KCNIP1: variants seen among roughly 807,000 people sequenced by gnomAD.
KCNIP1 encodes the protein A-type potassium channel modulatory protein KCNIP1.
In KCNIP1, 18 loss-of-function variants were observed where a neutral mutation model predicts 33.0. The ratio of observed to expected loss-of-function variants is 0.55; its 90% CI spans 0.38 to 0.81. KCNIP1 has a LOEUF of 0.81. Ranked by LOEUF, KCNIP1 falls within the 30% of genes least tolerant of loss-of-function variation. KCNIP1 has a pLI of 0.00. For synonymous variants in KCNIP1, 93 were observed against 98.3 expected (o/e 0.95, Z 0.32); for missense variants, 238 against 271.6 (o/e 0.88, Z 0.87).
At chr5:170,413,625 C>T (rs113288303) in intron 1 of KCNIP1, among the ~76,000 whole-genome samples, 1 of 152,148 alleles carries the variant, frequency 6.6e-6, no homozygotes, top group African/African-American at 2.4e-5. Context: ...TTTTTGGAAG[C>T]TGCAAAGCAT....
chr5:170,451,327 T>C (rs1366853396), intron 1 of KCNIP1, among the ~76,000 whole-genome samples: 1 of 152,130 alleles, frequency 6.6e-6, no homozygotes, highest in Admixed American at 6.5e-5. Flanking sequence ...AGATTATAGG[T>C]ACCCAATTAT....
chr5:170,581,935 G>A (rs1197485435), intron 1 of KCNIP1, among the ~76,000 whole-genome samples: 1 of 152,204 alleles, frequency 6.6e-6, no homozygotes, highest in African/African-American at 2.4e-5. Flanking sequence ...CACATGGCAA[G>A]AAAGGAAGCA....
intron 7 of KCNIP1, among the ~76,000 whole-genome samples, chr5:170,734,143 T>G (rs1764302636): frequency 6.6e-6 from 1 of 151,958 alleles, no homozygotes; most frequent in Non-Finnish European, 1.5e-5. Context: ...ATGTGAAAAC[T>G]CAGAGGGGGT....
At chr5:170,476,954 A>G (rs1252162547) in intron 1 of KCNIP1, among the ~76,000 whole-genome samples, 2 of 152,226 alleles carry the variant, frequency 1.3e-5, no homozygotes, top group Non-Finnish European at 2.9e-5. Context: ...TGTAAACTAT[A>G]GACTTTGGGT....
chr5:170,623,745 C>T (rs906818424), intron 1 of KCNIP1, among the ~76,000 whole-genome samples: 4 of 152,178 alleles, frequency 2.6e-5, no homozygotes, highest in Non-Finnish European at 5.9e-5. Context: ...GACGGCGCTG[C>T]CCCCTTCTGG....
intron 1 of KCNIP1, among the ~76,000 whole-genome samples, chr5:170,441,344 G>A (rs1755982639): frequency 6.6e-6 from 1 of 152,184 alleles, no homozygotes; most frequent in Admixed American, 6.5e-5. Context: ...GCTAGCTCCA[G>A]GGAGTGTGGA....
intron 1 of KCNIP1, among the ~76,000 whole-genome samples, chr5:170,663,629 A>C (rs1229726305): frequency 6.6e-6 from 1 of 152,106 alleles, no homozygotes; most frequent in Non-Finnish European, 1.5e-5. Flanking sequence ...GTCCTGCCCC[A>C]GTGTTCCCCA....
chr5:170,614,071 T>TC (rs773309608), intron 1 of KCNIP1, among the ~76,000 whole-genome samples: 1 of 152,176 alleles, frequency 6.6e-6, no homozygotes, highest in Non-Finnish European at 1.5e-5. Context: ...TGAGGATGTG[T>TC]CCCTCGGGGA....
intron 1 of KCNIP1, among the ~76,000 whole-genome samples, chr5:170,661,283 G>A (rs1485751500): frequency 1.3e-5 from 2 of 152,208 alleles, no homozygotes; most frequent in African/African-American, 4.8e-5. Flanking sequence ...TGTGGTGTGT[G>A]TGGGGACACG....
chr5:170,388,020 C>T lies in KCNIP1; in HGVS notation c.88+34056C>T, dbSNP rs536272919. Among the ~76,000 whole-genome samples, 6 of 141,572 alleles carry T rather than the reference C, an allele frequency of 4.2e-5. No individual in the cohort carries two copies. In the South Asian group the frequency reaches 6.5e-4, roughly 15 times the overall value. 92.9% of individuals were successfully genotyped at this position (141,572 alleles called of 152,430 possible). A position where few individuals can be genotyped will look rare whatever the true frequency, so the allele number is the denominator to read the frequency against. ...TGTGGCTCCTTCCTGGCTAATCAGCCCCCCCCAGCGCCCAGGGCCATGGCC... is the reference window on the plus strand; with the variant it reads ...TGTGGCTCCTTCCTGGCTAATCAGCTCCCCCCAGCGCCCAGGGCCATGGCC... On this transcript the variant is annotated intron_variant, in intron 1 of 7. Transcript: ENST00000377360.
At chr5:170,703,619 A>T (rs1581522085) in intron 1 of KCNIP1, among the ~76,000 whole-genome samples, 1 of 133,810 alleles carries the variant, frequency 7.5e-6, no homozygotes. Context: ...CCAAAAAAAA[A>T]TTAATTTAAA....
At chr5:170,629,899 T>G (rs1759989167) in intron 1 of KCNIP1, among the ~76,000 whole-genome samples, 1 of 152,210 alleles carries the variant, frequency 6.6e-6, no homozygotes, top group South Asian at 2.1e-4. Flanking sequence ...CCCTACTCCA[T>G]CCAGCCCATC....
At chr5:170,437,301 G>A (rs1454432438) in intron 1 of KCNIP1, among the ~76,000 whole-genome samples, 1 of 152,158 alleles carries the variant, frequency 6.6e-6, no homozygotes, top group Non-Finnish European at 1.5e-5. Context: ...AGAAGGGCAG[G>A]AGAAGGTCAG....
At chr5:170,647,712 G>A (rs1360758581) in intron 1 of KCNIP1, among the ~76,000 whole-genome samples, 1 of 152,080 alleles carries the variant, frequency 6.6e-6, no homozygotes, top group Non-Finnish European at 1.5e-5. Flanking sequence ...AAGATCCTGA[G>A]TATGGCAGTG....
Position 170,558,924 on chromosome 5 carries a change from A to G in KCNIP1, c.61+54291A>G, listed in dbSNP as rs140888455. On this transcript the variant is annotated intron_variant, in intron 1 of 7. Transcript: ENST00000328939. ...ACTGAGTGGCTTCAAACAAGTCCCT[A>G]TCACCTCCCAGGGCCTCAGTTTCTT... is the stretch of plus-strand genomic sequence containing the variant. Among the ~76,000 whole-genome samples, 707 of 152,322 alleles carry G rather than the reference A, an allele frequency of 4.6e-3. 5 individuals are homozygous for G. The highest frequency in any genetic ancestry group is 0.016 in the African/African-American group (669 of 41,556).
chr5:170,554,145 T>TA (rs766325098), intron 1 of KCNIP1, among the ~76,000 whole-genome samples: 1 of 152,068 alleles, frequency 6.6e-6, no homozygotes. Flanking sequence ...TTTTTTTTTT[T>TA]AATTTTTTAA....
intron 1 of KCNIP1, among the ~76,000 whole-genome samples, chr5:170,656,985 TTTCTTTCTTTC>T (rs1360611693): frequency 7.7e-6 from 1 of 129,700 alleles, no homozygotes; most frequent in East Asian, 2.3e-4. Flanking sequence ...TCTTTTCTTT[TTTCTTTCTTTC>T]TTTTTTTTTT....
At chr5:170,658,009 G>A (rs890386101) in intron 1 of KCNIP1, among the ~76,000 whole-genome samples, 7 of 152,188 alleles carry the variant, frequency 4.6e-5, no homozygotes, top group Admixed American at 3.9e-4. Flanking sequence ...AGGTATCTAA[G>A]CAGGGACCTA....
At chr5:170,597,344 G>C (rs895720295) in intron 1 of KCNIP1, among the ~76,000 whole-genome samples, 3 of 152,162 alleles carry the variant, frequency 2.0e-5, no homozygotes, top group Non-Finnish European at 4.4e-5. Flanking sequence ...ATCAGGCCTT[G>C]TTGCAGGCTG....
Sources: allele counts gnomAD v4.1 joint callset (sites outside exome capture counted in the v4.1 genomes callset), GRCh38; gene constraint gnomAD v4.1.1; transcripts MANE v1.5; gene names NCBI Gene and HGNC (gene_info 2026-07-23, HGNC 2026-07-21).